B4GALT6: variants seen among roughly 807,000 people sequenced by gnomAD.
B4GALT6 encodes UDP-Gal:beta-GlcNAc beta-1,4-galactosyltransferase 6.
A neutral mutation model predicts 46.3 loss-of-function variants in B4GALT6; 14 were observed. The observed-to-expected ratio is 0.30, with a 90% CI of 0.20 to 0.47. The LOEUF (loss-of-function observed/expected upper bound fraction) is 0.47. Among genes scored for constraint, B4GALT6 ranks in the 20% least tolerant of loss-of-function variants. B4GALT6 has a pLI of 0.99. For synonymous variants in B4GALT6, 168 were observed against 162.0 expected (o/e 1.04, Z -0.28); for missense variants, 386 against 480.1 (o/e 0.80, Z 1.83).
upstream of B4GALT6, among the ~76,000 whole-genome samples, chr18:31,687,257 G>A (rs577298949): frequency 6.6e-6 from 1 of 152,342 alleles, no homozygotes; most frequent in South Asian, 2.1e-4. Flanking sequence ...GCATGGGAGA[G>A]GCTGGTACAT....
At chr18:31,712,284 G>GTTTTTTTTTTTT in the B4GALT6 span, among the ~76,000 whole-genome samples, 2 of 88,312 alleles carry the variant, frequency 2.3e-5, no homozygotes, top group African/African-American at 5.1e-5. Flanking sequence ...CTACTGGGAC[G>GTTTTTTTTTTTT]TTATTTTTTT....
rs376089281 is a variant in B4GALT6, at chr18:31,676,591, A to G, written c.115+7721T>C. ...ATCCGTCCATTTCTCTTCTGAAGGA[A>G]AAGATTCTTCACCATGACAGCCATC... On this transcript the variant is annotated intron_variant, in intron 1 of 8. Transcript: ENST00000306851. Among the ~76,000 whole-genome samples the G allele has an allele frequency of 3.2e-4, 49 of 152,336 alleles. No homozygotes were observed. In the East Asian group the frequency reaches 5.4e-3, roughly 17 times the overall value.
upstream of B4GALT6, chr18:31,686,827 T>A (rs1174663512): frequency 1.3e-5 from 2 of 152,244 alleles, no homozygotes; most frequent in African/African-American, 4.8e-5. Flanking sequence ...TTTATTTGCA[T>A]CAGTTAGACT....
At chr18:31,690,831 G>T (rs117411022), upstream of B4GALT6, among the ~76,000 whole-genome samples, 2,083 of 152,254 alleles carry the variant, frequency 0.014, 24 homozygotes, top group Non-Finnish European at 0.022. Context: ...AAAAGAATGA[G>T]CTCATGTCCT....
At chr18:31,656,401 CA>C (rs1283175110) in intron 3 of B4GALT6, among the ~76,000 whole-genome samples, 1 of 151,770 alleles carries the variant, frequency 6.6e-6, no homozygotes, top group African/African-American at 2.4e-5. Context: ...AATCATGGGG[CA>C]GGGGTAGAAG....
intron 3 of B4GALT6, among the ~76,000 whole-genome samples, chr18:31,647,857 C>CCT (rs1390484910): frequency 1.3e-5 from 2 of 152,122 alleles, no homozygotes; most frequent in African/African-American, 4.8e-5. Flanking sequence ...TTGGGAAGGA[C>CCT]CTCTCTCAGG....
At chr18:31,667,080 G>A (rs2074291538) in intron 1 of B4GALT6, among the ~76,000 whole-genome samples, 1 of 152,154 alleles carries the variant, frequency 6.6e-6, no homozygotes, top group South Asian at 2.1e-4. Flanking sequence ...CTGGTAAATT[G>A]ACAAAGCTTT....
intron 4 of B4GALT6, among the ~76,000 whole-genome samples, chr18:31,643,146 G>A (rs2073950910): frequency 6.6e-6 from 1 of 152,132 alleles, no homozygotes; most frequent in African/African-American, 2.4e-5. Context: ...TTAGTGAGAT[G>A]ATAGTTATAT....
At chr18:31,638,849 T>G (rs1421505921) in intron 4 of B4GALT6, 89 bp from the exon 5 acceptor site, 26 of 1,134,940 alleles carry the variant, frequency 2.3e-5, no homozygotes. Context: ...AAACTTCTGA[T>G]GGTTTTAAAG....
chr18:31,709,551 ATATGTG>A, the B4GALT6 span, among the ~76,000 whole-genome samples: 5 of 104,022 alleles, frequency 4.8e-5, no homozygotes, highest in South Asian at 7.7e-4. Flanking sequence ...AATAGGATAT[ATATGTG>A]TGTGTGTGTG....
the B4GALT6 span, among the ~76,000 whole-genome samples, chr18:31,717,428 C>T: frequency 3.3e-5 from 5 of 152,040 alleles, no homozygotes; most frequent in East Asian, 1.9e-4. Context: ...TGGGTGATGG[C>T]GACTTGAGTA....
chr18:31,694,763 AT>A, the B4GALT6 span, among the ~76,000 whole-genome samples: 8 of 152,330 alleles, frequency 5.3e-5, no homozygotes, highest in South Asian at 1.4e-3. Flanking sequence ...TTCAACTGAA[AT>A]ATCACTTTAC....
At chr18:31,679,627 G>T (rs1315013077) in intron 1 of B4GALT6, among the ~76,000 whole-genome samples, 1 of 152,140 alleles carries the variant, frequency 6.6e-6, no homozygotes, top group Admixed American at 6.5e-5. Flanking sequence ...ATGTGTTGGA[G>T]GATAAATAAA....
chr18:31,707,347 T>C, the B4GALT6 span, among the ~76,000 whole-genome samples: 3 of 151,784 alleles, frequency 2.0e-5, no homozygotes, highest in Non-Finnish European at 4.4e-5. Context: ...TGTAGTAATA[T>C]ATTTCAGGAG....
intron 1 of B4GALT6, among the ~76,000 whole-genome samples, chr18:31,674,840 G>A (rs1236313215): frequency 4.0e-5 from 6 of 151,812 alleles, no homozygotes. Context: ...TGTCAAGGAT[G>A]TGCCAGGCTG....
rs1873921957 is a variant in B4GALT6 at position 31,666,286 on chromosome 18, T to C, written c.202A>G (p.Thr68Ala). ...CCGTTGAGCGTACTGTTTTTATTTGTGTACAGCCTGATCATATGACCTATT... is the reference window on the plus strand; with the variant it reads ...CCGTTGAGCGTACTGTTTTTATTTGCGTACAGCCTGATCATATGACCTATT... Reference protein sequence around the residue: ...KTIGHMIRLYTNKNSTLNGTD... With the variant: ...KTIGHMIRLYANKNSTLNGTD... The change falls in exon 2 of 9, where the codon ACA (threonine) becomes GCA (alanine). Residue 68 changes from threonine to alanine, a missense_variant. Around this residue, in one of 2 missense-constraint regions of B4GALT6, gnomAD observed 323 missense variants for 438.9 expected, o/e 0.74. Transcript: ENST00000306851. 1 of 1,607,434 alleles carries C rather than the reference T, an allele frequency of 6.2e-7. No individual in the cohort carries two copies. The highest frequency in any genetic ancestry group is 8.5e-7 in the Non-Finnish European group (1 of 1,176,232).
chr18:31,642,216 A>C (rs1429422556), intron 4 of B4GALT6, among the ~76,000 whole-genome samples: 7 of 152,182 alleles, frequency 4.6e-5, no homozygotes, highest in African/African-American at 1.7e-4. Context: ...CTCATTCTAT[A>C]GCCCAGGCTG....
At chr18:31,681,032 G>A (rs1028947243) in intron 1 of B4GALT6, among the ~76,000 whole-genome samples, 1 of 152,130 alleles carries the variant, frequency 6.6e-6, no homozygotes, top group Non-Finnish European at 1.5e-5. Flanking sequence ...TGCCTTCCAA[G>A]GATTTACTAC....
intron 5 of B4GALT6, among the ~76,000 whole-genome samples, chr18:31,634,376 A>G (rs1227180608): frequency 1.3e-5 from 2 of 152,230 alleles, no homozygotes; most frequent in African/African-American, 4.8e-5. Flanking sequence ...CTTTTAAACA[A>G]TCTCCTTACT....
Sources: gnomAD v4.1 joint callset for allele counts (sites outside exome capture counted in the v4.1 genomes callset) on GRCh38, gnomAD v4.1.1 for gene constraint, gnomAD v4.1.1 regional missense constraint, MANE v1.5 for transcripts, NCBI Gene and HGNC (gene_info 2026-07-23, HGNC 2026-07-21) for gene names.